Variants in CDH13 observed in about 807,000 individuals in gnomAD.
CDH13 encodes the protein cadherin-13.
Under a neutral mutation model 63.8 loss-of-function variants are expected in CDH13, and 24 were observed. That is an observed-to-expected ratio of 0.38 (90% CI 0.27 to 0.53). The LOEUF (loss-of-function observed/expected upper bound fraction) is 0.53. Ranked by LOEUF, CDH13 falls within the 20% of genes least tolerant of loss-of-function variation. CDH13 has a pLI of 0.85. For synonymous variants in CDH13, 503 were observed against 355.3 expected (o/e 1.42, Z -4.67); for missense variants, 1,049 against 903.1 (o/e 1.16, Z -2.07).
chr16:83,336,943 G>T (rs927730396), intron 5 of CDH13, among the ~76,000 whole-genome samples: 1 of 152,102 alleles, frequency 6.6e-6, no homozygotes. Context: ...ACATCCCTTT[G>T]GGTAAGATCT....
At chr16:83,386,908 C>A (rs937547768) in intron 6 of CDH13, among the ~76,000 whole-genome samples, 13 of 152,152 alleles carry the variant, frequency 8.5e-5, no homozygotes, top group African/African-American at 3.1e-4. Flanking sequence ...GTAAGGTCCA[C>A]CCCACCTTTT....
At chr16:82,934,344 G>C (rs370032102) in intron 2 of CDH13, among the ~76,000 whole-genome samples, 1 of 152,308 alleles carries the variant, frequency 6.6e-6, no homozygotes, top group South Asian at 2.1e-4. Context: ...TTTATCCATG[G>C]CTGGAGAAGC....
At chr16:82,994,494 C>T (rs1462989807) in intron 2 of CDH13, among the ~76,000 whole-genome samples, 1 of 152,220 alleles carries the variant, frequency 6.6e-6, no homozygotes, top group Non-Finnish European at 1.5e-5. Flanking sequence ...CGTAGCCTTT[C>T]ATCGTAATCT....
At chr16:83,526,192 A>G (rs2074955218) in intron 7 of CDH13, among the ~76,000 whole-genome samples, 1 of 152,242 alleles carries the variant, frequency 6.6e-6, no homozygotes, top group Non-Finnish European at 1.5e-5. Context: ...GCCAGTCATC[A>G]GAGTCAGAAG....
At chr16:83,310,188 C>G (rs2089969122) in intron 5 of CDH13, among the ~76,000 whole-genome samples, 1 of 152,124 alleles carries the variant, frequency 6.6e-6, no homozygotes, top group Non-Finnish European at 1.5e-5. Flanking sequence ...GTGAACTAAC[C>G]TTGTGAAAGT....
chr16:83,561,584 T>C (rs945273318), intron 7 of CDH13, among the ~76,000 whole-genome samples: 1 of 152,210 alleles, frequency 6.6e-6, no homozygotes, highest in Non-Finnish European at 1.5e-5. Context: ...TACTAGGCTA[T>C]CAGCACTGGT....
chr16:82,683,537 G>C (rs892473814), intron 1 of CDH13, among the ~76,000 whole-genome samples: 2 of 152,184 alleles, frequency 1.3e-5, no homozygotes, highest in African/African-American at 4.8e-5. Flanking sequence ...GAAACAGCTA[G>C]ACCAAGGAGT....
intron 6 of CDH13, among the ~76,000 whole-genome samples, chr16:83,457,443 G>A (rs149365572): frequency 1.1e-3 from 161 of 152,174 alleles, no homozygotes; most frequent in African/African-American, 3.7e-3. Flanking sequence ...CCCCAGACAC[G>A]TCACTTACCT....
rs906216511 is a variant in CDH13 at position 83,036,262 on chromosome 16, G to T, written c.366+4044G>T. Among the ~76,000 whole-genome samples the T allele has an allele frequency of 2.0e-5, 3 of 149,956 alleles. No homozygotes were observed. The East Asian group carries it at 6.0e-4, about 30-fold the overall frequency. On this transcript the variant is annotated intron_variant, in intron 3 of 13. Coordinates refer to ENST00000567109, the MANE Select transcript of CDH13 (RefSeq NM_001257.5). ...CCTCCTGGGTTCAAGTGATTCTCCT[G>T]CCTCAGCCTTCTGAGTGGCTGAGAT...
intron 4 of CDH13, among the ~76,000 whole-genome samples, chr16:83,197,871 A>G (rs1201459861): frequency 6.6e-6 from 1 of 151,938 alleles, no homozygotes; most frequent in Non-Finnish European, 1.5e-5. Context: ...AAATCTGAAT[A>G]AGATCTGTGG....
chr16:83,722,362 G>C (rs561402188), intron 10 of CDH13, among the ~76,000 whole-genome samples: 28 of 152,324 alleles, frequency 1.8e-4, no homozygotes, highest in African/African-American at 5.8e-4. Context: ...TATTCGTAGG[G>C]AGATGGTGTA....
At chr16:83,250,630 A>T (rs1905411061) in intron 5 of CDH13, among the ~76,000 whole-genome samples, 1 of 152,204 alleles carries the variant, frequency 6.6e-6, no homozygotes, top group African/African-American at 2.4e-5. Flanking sequence ...TAATCAAGAA[A>T]TAGAGAGTTG....
At chr16:83,387,001 A>G (rs2151424176) in intron 6 of CDH13, among the ~76,000 whole-genome samples, 1 of 152,300 alleles carries the variant, frequency 6.6e-6, no homozygotes, top group South Asian at 2.1e-4. Flanking sequence ...ACATTTTCTT[A>G]GCCAGAATTG....
intron 1 of CDH13, among the ~76,000 whole-genome samples, chr16:82,791,973 C>G (rs575854716): frequency 1.3e-5 from 2 of 152,232 alleles, no homozygotes; most frequent in South Asian, 2.1e-4. Context: ...AAGACCCGCC[C>G]GTATCATGGG....
intron 3 of CDH13, among the ~76,000 whole-genome samples, chr16:83,089,645 G>C (rs183371705): frequency 1.8e-3 from 279 of 152,318 alleles, no homozygotes; most frequent in Middle Eastern, 0.01. Flanking sequence ...AGCACTCTTG[G>C]TTTCTAGAAC....
At chr16:82,940,658 G>A (rs775177954) in intron 2 of CDH13, among the ~76,000 whole-genome samples, 12 of 152,098 alleles carry the variant, frequency 7.9e-5, no homozygotes, top group African/African-American at 1.2e-4. Context: ...CAGCGTCTAC[G>A]TTTGTTTTCT....
At chr16:82,913,691 G>A (rs1176353504) in intron 2 of CDH13, among the ~76,000 whole-genome samples, 2 of 152,092 alleles carry the variant, frequency 1.3e-5, no homozygotes, top group Non-Finnish European at 2.9e-5. Context: ...GGGGAGGAGG[G>A]ACCACTGAGG....
intron 2 of CDH13, among the ~76,000 whole-genome samples, chr16:82,889,300 A>ATCTCTCTCTCTCTCTC (rs59500269): frequency 0.012 from 1,739 of 149,818 alleles, 32 homozygotes; most frequent in African/African-American, 0.041. Context: ...TCTCTCTATT[A>ATCTCTCTCTCTCTCTC]TCTCTCTCTC....
chr16:83,296,475 A>C (rs1353459137), intron 5 of CDH13, among the ~76,000 whole-genome samples: 1 of 152,162 alleles, frequency 6.6e-6, no homozygotes, highest in Non-Finnish European at 1.5e-5. Flanking sequence ...CGTATTTGGA[A>C]AGGGGAGAGG....
Sources: gnomAD v4.1 joint callset for allele counts (sites outside exome capture counted in the v4.1 genomes callset) on GRCh38, gnomAD v4.1.1 for gene constraint, MANE v1.5 for transcripts, NCBI Gene and HGNC (gene_info 2026-07-23, HGNC 2026-07-21) for gene names.